LAMA1: variants seen among roughly 807,000 people sequenced by gnomAD.
LAMA1 encodes the protein laminin subunit alpha 1.
A neutral mutation model predicts 348.7 loss-of-function variants in LAMA1; 219 were observed. That is an observed-to-expected ratio of 0.63 (90% CI 0.56 to 0.70). LAMA1 has a LOEUF of 0.70. LAMA1 is among the 30% of genes least tolerant of loss of function. The pLI is 0.00. For missense variants in LAMA1, 3,744 were observed against 3,888.0 expected (o/e 0.96, Z 0.99); for synonymous variants, 1,487 against 1,491.0 (o/e 1.00, Z 0.06).
chr18:6,968,363 G>A (rs1053207581), intron 48 of LAMA1, among the ~76,000 whole-genome samples: 31 of 152,252 alleles, frequency 2.0e-4, no homozygotes, highest in African/African-American at 7.0e-4. Flanking sequence ...TCATGCGAGG[G>A]CATGAGATAA....
At position 6,965,312 on chromosome 18, in the gene LAMA1, C is replaced by T. The variant is rs192340222; in HGVS notation, c.7171G>A (p.Ala2391Thr). ...CCTTGCTTCCGGTTTCGCTGGAAGG[C>T]AATTTTGTACCAGGTTCCATTGTTA... The part of the protein sequence containing the change: ...RYNNGTWYKI[A>T]FQRNRKQGVL... The change falls in exon 50 of 63, where the codon GCC (alanine) becomes ACC (threonine). Residue 2391 changes from alanine to threonine, a missense_variant. Physicochemically the swap from Ala to Thr is moderately conservative, Grantham distance 58. Coordinates refer to ENST00000389658, the MANE Select transcript of LAMA1 (RefSeq NM_005559.4). 1.2e-6 allele frequency: 2 copies of T among 1,614,152 alleles called. No homozygotes were observed. Among genetic ancestry groups the T allele is most frequent in the East Asian group, 2.2e-5 (1 of 44,876 alleles).
chr18:6,960,010 T>C (rs112736338), intron 53 of LAMA1: 8,532 of 198,842 alleles, frequency 0.043, 692 homozygotes, highest in African/African-American at 0.19. Flanking sequence ...TATCTCACAA[T>C]ACCCTTGCTA....
intron 4 of LAMA1, among the ~76,000 whole-genome samples, chr18:7,049,810 C>A (rs1352752658): frequency 6.6e-6 from 1 of 152,174 alleles, no homozygotes; most frequent in Non-Finnish European, 1.5e-5. Flanking sequence ...ATACTATATA[C>A]TTAAAATCTG....
At position 6,976,627 on chromosome 18, in the gene LAMA1, TTTAG is replaced by T. The variant is rs1295569063; in HGVS notation, c.6346-551_6346-548del. Among the ~76,000 whole-genome samples the T allele has an allele frequency of 2.2e-4, 31 of 141,332 alleles. No individual in the cohort carries two copies. In the South Asian group the frequency reaches 5.2e-3, roughly 24 times the overall value. The allele number at this position is 141,332 out of a possible 152,430, so 92.7% of individuals were successfully genotyped here. On this transcript the variant is annotated intron_variant, in intron 44 of 62. Transcript: ENST00000389658. ...ATTTATTTATTTATTTATTTATTTA[TTTAG>T]GGTCTTGCTCTGTTGCCCAGGCTGG...
At chr18:6,993,542 G>T (rs575638804) in intron 35 of LAMA1, 99 bp downstream of exon 35, 2 of 931,178 alleles carry the variant, frequency 2.1e-6, no homozygotes, top group Non-Finnish European at 3.6e-6. Flanking sequence ...CCGGAAACCC[G>T]ATGCAAGAGA....
At chr18:7,020,144 A>T (rs1252287510) in intron 19 of LAMA1, among the ~76,000 whole-genome samples, 2 of 152,126 alleles carry the variant, frequency 1.3e-5, no homozygotes, top group East Asian at 3.9e-4. Context: ...AACTTATTTA[A>T]TATAAGAGTC....
At chr18:7,103,125 G>A (rs547627515) in intron 1 of LAMA1, among the ~76,000 whole-genome samples, 87 of 152,314 alleles carry the variant, frequency 5.7e-4, no homozygotes, top group Middle Eastern at 3.4e-3. Context: ...TTTAGAATGT[G>A]AGTGGAGGCC....
At chr18:6,980,118 C>T (rs572055747) in intron 42 of LAMA1, among the ~76,000 whole-genome samples, 2 of 152,272 alleles carry the variant, frequency 1.3e-5, no homozygotes, top group East Asian at 1.9e-4. Context: ...GATGGCCAAG[C>T]GAGCAGTCTT....
At chr18:6,965,552 A>C in intron 49 of LAMA1, 120 bp from the exon 50 acceptor site, 1 of 1,167,208 alleles carries the variant, frequency 8.6e-7, no homozygotes, top group African/African-American at 1.5e-5. Flanking sequence ...ATCTGGCCCC[A>C]CAGCCAGAGG....
At chr18:7,047,193 C>CCT (rs1568045374) in intron 5 of LAMA1, among the ~76,000 whole-genome samples, 9 of 151,650 alleles carry the variant, frequency 5.9e-5, no homozygotes, top group African/African-American at 1.7e-4. Context: ...TACAGGCATG[C>CCT]GCCACCACGC....
Position 6,983,195 on chromosome 18 carries a change from G to A in LAMA1, c.5700C>T (p.Thr1900=). The change falls in exon 40 of 63, where the codon ACC becomes ACT. Residue 1900 remains threonine, a synonymous_variant. Coordinates refer to ENST00000389658, the MANE Select transcript of LAMA1 (RefSeq NM_005559.4). ...ENIRNVSLNA[T]SAAYVHYNIQ... is the part of the protein sequence containing the mutation. ...TGTTGTAATGGACATAGGCTGCACTGGTGGCATTCAGGGACACATTTCTGA... is the reference window on the plus strand; with the variant it reads ...TGTTGTAATGGACATAGGCTGCACTAGTGGCATTCAGGGACACATTTCTGA... 1 of 1,614,068 alleles carries A rather than the reference G, an allele frequency of 6.2e-7. No homozygotes were observed. Among genetic ancestry groups the A allele is most frequent in the Non-Finnish European group, 8.5e-7 (1 of 1,179,996 alleles).
intron 1 of LAMA1, among the ~76,000 whole-genome samples, chr18:7,099,998 G>C (rs1403363219): frequency 2.0e-5 from 3 of 146,846 alleles, no homozygotes; most frequent in African/African-American, 7.7e-5. Context: ...GGCGGAGCTT[G>C]CAGTGAGCCG....
At chr18:7,061,163 C>T (rs532703529) in intron 3 of LAMA1, among the ~76,000 whole-genome samples, 2 of 152,224 alleles carry the variant, frequency 1.3e-5, no homozygotes, top group East Asian at 3.9e-4. Context: ...GTCCCTCATC[C>T]CCCACAAAAA....
chr18:6,948,471 G>T lies in LAMA1; in HGVS notation c.8642C>A (p.Thr2881Lys). The stretch of plus-strand genomic sequence containing the variant: ...GGCCACTGCGTAGCACCTGTTCACC[G>T]TGAAGGCAGACACCGGGCTGTCCTT... ...LDKDSPVSAF[T>K]VNRCYAVAQE... The change falls in exon 60 of 63, where the codon ACG (threonine) becomes AAG (lysine). Residue 2881 changes from threonine to lysine, a missense_variant. Transcript: ENST00000389658. 6.2e-7 allele frequency: 1 copy of T among 1,614,178 alleles called. No homozygotes were observed.
intron 1 of LAMA1, among the ~76,000 whole-genome samples, chr18:7,117,355 G>A (rs2058361635): frequency 6.6e-6 from 1 of 151,738 alleles, no homozygotes; most frequent in Non-Finnish European, 1.5e-5. Context: ...CACTGCTCGC[G>A]TAGATGGCGC....
At position 7,037,529 on chromosome 18, in the gene LAMA1, T is replaced by G. The variant is rs543199068; in HGVS notation, c.1737+49A>C. ...GGCAGCGCAAGTTCTTTCTCAGTGT[T>G]CCCTGAGATCTTCATCTGAGACATC... On this transcript the variant is annotated intron_variant, in intron 12 of 62. Transcript: ENST00000389658. 123 of 1,602,336 alleles carry G rather than the reference T, an allele frequency of 7.7e-5. No individual in the cohort carries two copies. In the East Asian group the frequency reaches 1.4e-3, roughly 18 times the overall value.
Position 7,013,819 on chromosome 18 carries a change from C to T in LAMA1, c.3359G>A (p.Cys1120Tyr). ...AGGAGGATGGATGGTAAATACCTTG[C>T]AAGGGCAGGCCCCGGTTTCCTCCAC... ...GCVEETGACP[C>Y]KENVFGPQCN... Residue 1120 changes from cysteine (C) to tyrosine (Y), a missense_variant, in exon 23 of 63, where the codon TGC becomes TAC. By Grantham distance (194) the Cys-to-Tyr change is radical. This residue lies in a region of LAMA1 where 1,529 missense variants were observed against 1,689.4 expected (regional missense o/e 0.91). Coordinates refer to ENST00000389658, the MANE Select transcript of LAMA1 (RefSeq NM_005559.4). The T allele has an allele frequency of 6.2e-7, 1 of 1,611,048 alleles. No homozygotes were observed. The highest frequency in any genetic ancestry group is 8.5e-7 in the Non-Finnish European group (1 of 1,178,562).
At position 6,978,335 on chromosome 18, in the gene LAMA1, A is replaced by G; in HGVS notation, c.6051T>C (p.Ser2017=). Residue 2017 remains serine, a synonymous_variant, in exon 43 of 63, where the codon TCT becomes TCC. Coordinates refer to ENST00000389658, the MANE Select transcript of LAMA1 (RefSeq NM_005559.4). ...GCGTGCTCACCGCGCTCTGGCTTGCAGACGTGGCCAGCTCTTTGGTTTTGG... is the reference window on the plus strand; with the variant it reads ...GCGTGCTCACCGCGCTCTGGCTTGCGGACGTGGCCAGCTCTTTGGTTTTGG... ...KGAKTKELAT[S]ASQSAVSTLR... The G allele has an allele frequency of 6.2e-7, 1 of 1,614,228 alleles. No individual in the cohort carries two copies. The highest frequency in any genetic ancestry group is 1.1e-5 in the South Asian group (1 of 91,090).
intron 1 of LAMA1, among the ~76,000 whole-genome samples, chr18:7,114,301 T>C (rs1463829639): frequency 6.6e-6 from 1 of 152,196 alleles, no homozygotes; most frequent in Admixed American, 6.5e-5. Flanking sequence ...ATAGTATCAA[T>C]GCTATCCATT....
Sources: gnomAD v4.1 joint callset for allele counts (sites outside exome capture counted in the v4.1 genomes callset) on GRCh38, gnomAD v4.1.1 for gene constraint, gnomAD v4.1.1 regional missense constraint, MANE v1.5 for transcripts, NCBI Gene and HGNC (gene_info 2026-07-23, HGNC 2026-07-21) for gene names.